Variants in XRCC4 observed in about 807,000 individuals in gnomAD.
The protein encoded by XRCC4 is X-ray repair cross complementing 4.
In XRCC4, 28 loss-of-function variants were observed where a neutral mutation model predicts 39.1. The ratio of observed to expected loss-of-function variants is 0.72; its 90% confidence interval spans 0.53 to 0.98. XRCC4 has a LOEUF of 0.98. Among genes scored for constraint, XRCC4 ranks in the 50% least tolerant of loss-of-function variants. XRCC4 has a pLI of 0.00. For missense variants in XRCC4, 350 were observed against 376.4 expected, an observed-to-expected ratio of 0.93 and a Z score of 0.58; for synonymous variants, 123 against 126.4, an observed-to-expected ratio of 0.97 and a Z score of 0.18.
At chr5:83,343,028 T>C (rs768612684) in intron 7 of XRCC4, among the ~76,000 whole-genome samples, 8 of 151,932 alleles carry the variant, frequency 5.3e-5, no homozygotes, top group Non-Finnish European at 8.8e-5. Flanking sequence ...TCGATTAAGG[T>C]TTGATTTGAT....
intron 3 of XRCC4, among the ~76,000 whole-genome samples, chr5:83,159,174 T>G (rs1749091969): frequency 1.3e-5 from 2 of 152,300 alleles, no homozygotes; most frequent in Admixed American, 1.3e-4. Context: ...AATATTAAAA[T>G]TTTTCCATCT....
chr5:83,255,074 C>G (rs1373145980), intron 6 of XRCC4, among the ~76,000 whole-genome samples: 1 of 129,208 alleles, frequency 7.7e-6, no homozygotes, highest in South Asian at 2.4e-4. Context: ...GCAACAAGAG[C>G]AAAATTCCGT....
intron 7 of XRCC4, among the ~76,000 whole-genome samples, chr5:83,323,070 T>C (rs751826609): frequency 6.6e-6 from 1 of 152,078 alleles, no homozygotes; most frequent in Non-Finnish European, 1.5e-5. Context: ...GGGTGGAGTA[T>C]TGACTCTGAT....
intron 6 of XRCC4, among the ~76,000 whole-genome samples, chr5:83,245,958 TTC>T (rs1441075886): frequency 6.6e-6 from 1 of 152,050 alleles, no homozygotes; most frequent in Admixed American, 6.6e-5. Flanking sequence ...AAGTAACTGT[TTC>T]TTTCATCCTT....
At chr5:83,363,633 G>T in the XRCC4 span, among the ~76,000 whole-genome samples, 1 of 152,176 alleles carries the variant, frequency 6.6e-6, no homozygotes, top group Admixed American at 6.6e-5. Flanking sequence ...GAAGTTGAGA[G>T]ACTACTGGCA....
the XRCC4 span, among the ~76,000 whole-genome samples, chr5:83,373,060 C>T: frequency 6.6e-6 from 1 of 152,150 alleles, no homozygotes; most frequent in South Asian, 2.1e-4. Flanking sequence ...GTTTCTCTTA[C>T]TCTTTTGAAC....
In XRCC4 at chr5:83,297,287, GTGTT is replaced by G. The variant is rs530044449; in HGVS notation, c.893+38614_893+38617del. Among the ~76,000 whole-genome samples, 362 of 152,018 alleles carry G rather than the reference GTGTT, an allele frequency of 2.4e-3. 1 individual carries two copies. The highest frequency in any genetic ancestry group is 4.0e-3 in the Non-Finnish European group (274 of 67,828). Reference sequence around the variant, plus strand: ...TATTGAGGAACCTCTTTCATATTGAGTGTTTGTGCTACACAGAAGTATTGTGAAG... The same window carrying G: ...TATTGAGGAACCTCTTTCATATTGAGTGTGCTACACAGAAGTATTGTGAAG... On this transcript the variant is annotated intron_variant, in intron 7 of 7. Transcript: ENST00000396027.
chr5:83,251,991 T>G (rs1346968333), intron 6 of XRCC4, among the ~76,000 whole-genome samples: 1 of 152,196 alleles, frequency 6.6e-6, no homozygotes, highest in Non-Finnish European at 1.5e-5. Context: ...ATAAATGGCA[T>G]GGAAAAATAA....
intron 1 of XRCC4, among the ~76,000 whole-genome samples, chr5:83,095,515 T>C (rs563642282): frequency 2.6e-5 from 4 of 152,296 alleles, no homozygotes; most frequent in African/African-American, 9.6e-5. Context: ...GCCTGCCTGT[T>C]GTCAAAATCT....
chr5:83,175,651 C>T (rs1436719354), intron 3 of XRCC4, among the ~76,000 whole-genome samples: 2 of 152,052 alleles, frequency 1.3e-5, no homozygotes, highest in Non-Finnish European at 2.9e-5. Context: ...GTCTGTCGCC[C>T]ACACTGAAGT....
chr5:83,312,133 A>G (rs547324747), intron 7 of XRCC4, among the ~76,000 whole-genome samples: 9 of 152,296 alleles, frequency 5.9e-5, no homozygotes, highest in Non-Finnish European at 1.2e-4. Flanking sequence ...CTCATATTCT[A>G]TCAAGACTTT....
At chr5:83,289,975 C>A (rs1754861152) in intron 7 of XRCC4, among the ~76,000 whole-genome samples, 1 of 151,736 alleles carries the variant, frequency 6.6e-6, no homozygotes, top group Non-Finnish European at 1.5e-5. Flanking sequence ...AAGACTGTGG[C>A]CTCCAGGAGT....
At chr5:83,166,334 C>G (rs1749472169) in intron 3 of XRCC4, among the ~76,000 whole-genome samples, 1 of 152,096 alleles carries the variant, frequency 6.6e-6, no homozygotes, top group Admixed American at 6.5e-5. Flanking sequence ...GGGTATATAC[C>G]TAGTAATGGA....
chr5:83,306,972 C>T (rs1349397684), intron 7 of XRCC4, among the ~76,000 whole-genome samples: 1 of 152,162 alleles, frequency 6.6e-6, no homozygotes, highest in African/African-American at 2.4e-5. Context: ...ACCTTATTTC[C>T]ATGGGAATAA....
chr5:83,140,807 T>C (rs923916337), intron 3 of XRCC4, among the ~76,000 whole-genome samples: 2 of 152,214 alleles, frequency 1.3e-5, no homozygotes, highest in African/African-American at 4.8e-5. Flanking sequence ...CTGGTATTGA[T>C]TAATTATTTA....
intron 6 of XRCC4, among the ~76,000 whole-genome samples, chr5:83,251,311 G>A (rs1314334793): frequency 3.9e-5 from 6 of 151,956 alleles, no homozygotes; most frequent in African/African-American, 9.7e-5. Context: ...GGATCACGAC[G>A]TCAGCAGATC....
intron 7 of XRCC4, among the ~76,000 whole-genome samples, chr5:83,275,785 T>A (rs1754310825): frequency 6.6e-6 from 1 of 152,196 alleles, no homozygotes; most frequent in Non-Finnish European, 1.5e-5. Context: ...AATGTGTGGA[T>A]GGTTCCTAAT....
intron 1 of XRCC4, among the ~76,000 whole-genome samples, chr5:83,095,522 A>C (rs1382375): frequency 0.027 from 4,156 of 152,256 alleles, 155 homozygotes; most frequent in African/African-American, 0.084. Flanking sequence ...TGTTGTCAAA[A>C]TCTGCTGAGG....
chr5:83,220,233 G>A (rs1199656953), intron 6 of XRCC4, among the ~76,000 whole-genome samples: 5 of 152,224 alleles, frequency 3.3e-5, no homozygotes, highest in Non-Finnish European at 4.4e-5. Context: ...GAAGCTAGAC[G>A]TGTTCATTGT....
Sources: gnomAD v4.1 joint callset for allele counts (sites outside exome capture counted in the v4.1 genomes callset) on GRCh38, gnomAD v4.1.1 for gene constraint, MANE v1.5 for transcripts, NCBI Gene and HGNC (gene_info 2026-07-23, HGNC 2026-07-21) for gene names.